The following DDR2 variants were observed in gnomAD, a reference collection of about 807,000 sequenced individuals.
DDR2 encodes discoidin domain-containing receptor 2.
A neutral mutation model predicts 94.9 loss-of-function variants in DDR2; 27 were observed. The ratio of observed to expected loss-of-function variants is 0.28; its 90% CI spans 0.21 to 0.39. DDR2 has a LOEUF of 0.39. DDR2 is among the 10% of genes least tolerant of loss of function. The probability of loss-of-function intolerance (pLI) is 1.00; values close to 1 mark genes in which losing one functional copy is unlikely to be tolerated. For synonymous variants in DDR2, 382 were observed against 377.2 expected, an observed-to-expected ratio of 1.01 and a Z score of -0.15; for missense variants, 783 against 1,076.0, an observed-to-expected ratio of 0.73 and a Z score of 3.81.
intron 2 of DDR2, among the ~76,000 whole-genome samples, chr1:162,715,264 G>T (rs1571233377): frequency 6.6e-6 from 1 of 152,030 alleles, no homozygotes; most frequent in Non-Finnish European, 1.5e-5. Flanking sequence ...GTGTGTGTTG[G>T]GGGGGAATAC....
At chr1:162,682,153 G>A (rs1659439359) in intron 2 of DDR2, among the ~76,000 whole-genome samples, 1 of 152,042 alleles carries the variant, frequency 6.6e-6, no homozygotes, top group African/African-American at 2.4e-5. Context: ...GAGAGTGGAG[G>A]GTGGGGGTCC....
At chr1:162,776,437 G>C in intron 16 of DDR2, 67 bp downstream of exon 16, 1 of 1,492,388 alleles carries the variant, frequency 6.7e-7, no homozygotes, top group South Asian at 1.1e-5. Context: ...ATGACACGTG[G>C]AGACAAACCT....
chr1:162,638,771 T>A (rs1271824376), intron 1 of DDR2, among the ~76,000 whole-genome samples: 1 of 152,170 alleles, frequency 6.6e-6, no homozygotes, highest in Non-Finnish European at 1.5e-5. Flanking sequence ...GGAGCTAAAT[T>A]CACTCAAGAA....
At chr1:162,763,622 G>A (rs750267065) in intron 9 of DDR2, among the ~76,000 whole-genome samples, 5 of 152,012 alleles carry the variant, frequency 3.3e-5, no homozygotes, top group South Asian at 2.1e-4. Context: ...TACAGCACCC[G>A]ACGTGGAATC....
intron 1 of DDR2, among the ~76,000 whole-genome samples, chr1:162,644,744 G>A (rs550569432): frequency 1.3e-5 from 2 of 152,090 alleles, no homozygotes; most frequent in Admixed American, 6.6e-5. Flanking sequence ...TTACAGGCAT[G>A]CACTACCACA....
intron 8 of DDR2, 34 bp from the exon 9 acceptor site, chr1:162,761,177 C>A: frequency 6.2e-7 from 1 of 1,613,392 alleles, no homozygotes; most frequent in East Asian, 2.2e-5. Flanking sequence ...TTAGCAGGGC[C>A]AACCTATCAC....
At chr1:162,703,178 G>A (rs759907410) in intron 2 of DDR2, among the ~76,000 whole-genome samples, 6 of 152,142 alleles carry the variant, frequency 3.9e-5, no homozygotes, top group Non-Finnish European at 7.3e-5. Context: ...TATGTGCCAC[G>A]ATGCCTATAC....
At chr1:162,741,246 G>A (rs4038288) in intron 3 of DDR2, among the ~76,000 whole-genome samples, 19,157 of 84,356 alleles carry the variant, frequency 0.23, 2,119 homozygotes, top group East Asian at 0.32. Context: ...ATATAATATA[G>A]TATAATGTAA....
chr1:162,640,024 A>G (rs1376076831), intron 1 of DDR2, among the ~76,000 whole-genome samples: 3 of 152,014 alleles, frequency 2.0e-5, no homozygotes, highest in Non-Finnish European at 4.4e-5. Context: ...TAAGACAAAC[A>G]ATGTACTTTG....
At chr1:162,707,917 A>G (rs1660731658) in intron 2 of DDR2, among the ~76,000 whole-genome samples, 2 of 152,126 alleles carry the variant, frequency 1.3e-5, no homozygotes, top group African/African-American at 4.8e-5. Context: ...TACTTTCTAC[A>G]CTGATAGAAA....
intron 2 of DDR2, among the ~76,000 whole-genome samples, chr1:162,682,892 A>G (rs937439392): frequency 2.0e-5 from 3 of 152,216 alleles, no homozygotes; most frequent in African/African-American, 7.2e-5. Flanking sequence ...ATAATGATAT[A>G]GCCATGTTCA....
intron 3 of DDR2, among the ~76,000 whole-genome samples, chr1:162,736,940 C>T (rs1481177452): frequency 6.6e-6 from 1 of 152,214 alleles, no homozygotes. Flanking sequence ...AGGTCCAAGA[C>T]AGCCAGGGGA....
chr1:162,719,215 G>A (rs1661301678), intron 3 of DDR2, 70 bp downstream of exon 3: 25 of 1,610,588 alleles, frequency 1.6e-5, no homozygotes, highest in Non-Finnish European at 2.0e-5. Context: ...ATGTTCAATG[G>A]TGGGTCTAAA....
chr1:162,736,574 T>C (rs1257810574), intron 3 of DDR2, among the ~76,000 whole-genome samples: 3 of 152,240 alleles, frequency 2.0e-5, no homozygotes, highest in African/African-American at 7.2e-5. Context: ...GCCTGACACT[T>C]GGTAAATGCT....
intron 3 of DDR2, among the ~76,000 whole-genome samples, chr1:162,727,699 T>C (rs1456604135): frequency 6.8e-6 from 1 of 147,724 alleles, no homozygotes; most frequent in Non-Finnish European, 1.5e-5. Flanking sequence ...AGATTATCAC[T>C]ACACCAGAGA....
At chr1:162,631,273 A>G (rs1412002838), upstream of DDR2, 1 of 150,120 alleles carries the variant, frequency 6.7e-6, no homozygotes, top group African/African-American at 2.5e-5. Context: ...CTAACTTACT[A>G]TGGGAACGTT....
chr1:162,755,866 G>A (rs1035256882), intron 7 of DDR2, 97 bp downstream of exon 7: 26 of 991,200 alleles, frequency 2.6e-5, no homozygotes, highest in East Asian at 9.7e-5. Context: ...CAACCAATCA[G>A]TATTTATTTA....
intron 3 of DDR2, among the ~76,000 whole-genome samples, chr1:162,724,324 A>G (rs1315249903): frequency 6.6e-6 from 1 of 152,068 alleles, no homozygotes; most frequent in Non-Finnish European, 1.5e-5. Context: ...CCAACTTCCA[A>G]TGTATATTTA....
At chr1:162,674,771 A>G (rs751410386) in intron 2 of DDR2, among the ~76,000 whole-genome samples, 2 of 152,228 alleles carry the variant, frequency 1.3e-5, no homozygotes, top group Non-Finnish European at 2.9e-5. Flanking sequence ...ATTGTTTGCT[A>G]CAATGTTGGA....
Sources: gnomAD v4.1 joint callset for allele counts (sites outside exome capture counted in the v4.1 genomes callset) on GRCh38, gnomAD v4.1.1 for gene constraint, MANE v1.5 for transcripts, NCBI Gene and HGNC (gene_info 2026-07-23, HGNC 2026-07-21) for gene names.